Variants in CNTNAP2 observed in about 807,000 individuals in gnomAD.
CNTNAP2 encodes the protein contactin associated protein 2.
In CNTNAP2, 98 loss-of-function variants were observed where a neutral mutation model predicts 155.2. The ratio of observed to expected loss-of-function variants is 0.63; its 90% CI spans 0.54 to 0.75. The LOEUF (loss-of-function observed/expected upper bound fraction) is 0.75. Among genes scored for constraint, CNTNAP2 ranks in the 30% least tolerant of loss-of-function variants. CNTNAP2 has a pLI of 0.00. For missense variants in CNTNAP2, 1,727 were observed against 1,688.1 expected, an observed-to-expected ratio of 1.02 and a Z score of -0.40; for synonymous variants, 651 against 631.2, an observed-to-expected ratio of 1.03 and a Z score of -0.47.
intron 3 of CNTNAP2, among the ~76,000 whole-genome samples, chr7:146,880,619 C>G (rs923090312): frequency 6.6e-6 from 1 of 152,098 alleles, no homozygotes; most frequent in African/African-American, 2.4e-5. Flanking sequence ...TATGTTTTCC[C>G]TCTTTATCAT....
intron 8 of CNTNAP2, among the ~76,000 whole-genome samples, chr7:147,269,865 T>A (rs1168838166): frequency 2.0e-5 from 3 of 152,054 alleles, no homozygotes; most frequent in Admixed American, 6.6e-5. Flanking sequence ...CCAGCCTGGA[T>A]ATTATGGTAA....
At chr7:146,346,257 C>T (rs138304911) in intron 1 of CNTNAP2, among the ~76,000 whole-genome samples, 62 of 152,234 alleles carry the variant, frequency 4.1e-4, no homozygotes, top group Non-Finnish European at 7.4e-4. Flanking sequence ...TATTTACAGC[C>T]GCTCCCCATT....
intron 14 of CNTNAP2, among the ~76,000 whole-genome samples, chr7:147,949,712 A>G (rs1383121997): frequency 6.6e-6 from 1 of 152,160 alleles, no homozygotes; most frequent in Non-Finnish European, 1.5e-5. Flanking sequence ...GCTGGGTCAG[A>G]TGGAAGCCAG....
intron 8 of CNTNAP2, among the ~76,000 whole-genome samples, chr7:147,268,451 A>G (rs1310471161): frequency 6.6e-6 from 1 of 152,104 alleles, no homozygotes; most frequent in Non-Finnish European, 1.5e-5. Flanking sequence ...CATAAGTGGG[A>G]GTTGAATAAT....
At chr7:147,165,663 T>C (rs1802101006) in intron 8 of CNTNAP2, among the ~76,000 whole-genome samples, 1 of 152,172 alleles carries the variant, frequency 6.6e-6, no homozygotes, top group African/African-American at 2.4e-5. Context: ...GATTTTTGTA[T>C]AAGGTTCAGT....
intron 10 of CNTNAP2, among the ~76,000 whole-genome samples, chr7:147,422,122 G>A: frequency 6.9e-6 from 1 of 145,158 alleles, no homozygotes; most frequent in South Asian, 2.2e-4. Context: ...TATATAGTAT[G>A]TATATATACA....
chr7:147,344,710 T>A (rs997044868), intron 9 of CNTNAP2, among the ~76,000 whole-genome samples: 5 of 152,198 alleles, frequency 3.3e-5, no homozygotes, highest in African/African-American at 1.2e-4. Flanking sequence ...TTCTCCTACT[T>A]GTCTTAGTTC....
At chr7:148,372,753 G>C (rs1251536707) in intron 21 of CNTNAP2, among the ~76,000 whole-genome samples, 1 of 152,030 alleles carries the variant, frequency 6.6e-6, no homozygotes, top group Non-Finnish European at 1.5e-5. Flanking sequence ...TTAGCATACT[G>C]TACCTTTTCT....
intron 9 of CNTNAP2, among the ~76,000 whole-genome samples, chr7:147,360,685 T>C (rs1796134013): frequency 6.6e-6 from 1 of 152,114 alleles, no homozygotes; most frequent in Non-Finnish European, 1.5e-5. Context: ...CTGTGTTCTT[T>C]CTGATGTCTC....
In CNTNAP2 at chr7:146,594,077, C is replaced by T. The variant is rs192411709; in HGVS notation, c.98-180194C>T. On this transcript the variant is annotated intron_variant, in intron 1 of 23. Coordinates refer to ENST00000361727, the MANE Select transcript of CNTNAP2 (RefSeq NM_014141.6). ...ATAGGTTAGTTTAAACAGAATTCCT[C>T]CTTACTTCTAATGTTTCTTCTAAGT... Among the ~76,000 whole-genome samples the T allele has an allele frequency of 4.4e-3, 675 of 152,264 alleles. 2 individuals are homozygous for T. The highest frequency in any genetic ancestry group is 6.9e-3 in the Non-Finnish European group (472 of 67,988).
intron 1 of CNTNAP2, among the ~76,000 whole-genome samples, chr7:146,503,268 A>T (rs1797333785): frequency 6.6e-6 from 1 of 152,192 alleles, no homozygotes; most frequent in African/African-American, 2.4e-5. Flanking sequence ...TACTAAAAAA[A>T]TCTTTGCCAA....
chr7:146,616,778 T>C (rs990957552), intron 1 of CNTNAP2, among the ~76,000 whole-genome samples: 21 of 152,212 alleles, frequency 1.4e-4, no homozygotes, highest in Admixed American at 6.5e-4. Flanking sequence ...TTAAGAGACA[T>C]TTGTAGCATT....
At position 148,417,173 on chromosome 7, in the gene CNTNAP2, A is replaced by C. The variant is rs3194; in HGVS notation, c.*1557A>C. On this transcript the variant is annotated 3_prime_UTR_variant, in exon 24 of 24. Transcript: ENST00000361727. ...TCTTTGCCTGGGAGAGGTTAAGAGG[A>C]GGTTTCGAAGGTATAGATGCTATTG... 0.37 allele frequency: 55,904 copies of C among 152,106 alleles called. 12,508 individuals carry two copies. Among genetic ancestry groups the C allele is most frequent in the East Asian group, 0.66 (3,428 of 5,168 alleles). 9.4% of individuals were successfully genotyped at this position (152,106 alleles called of 1,614,324 possible).
chr7:146,133,911 C>T (rs1797756952), intron 1 of CNTNAP2, among the ~76,000 whole-genome samples: 1 of 151,460 alleles, frequency 6.6e-6, no homozygotes, highest in Admixed American at 6.6e-5. Flanking sequence ...TTTTTTGGTT[C>T]CATATGAACT....
chr7:146,413,541 A>G (rs1187918226), intron 1 of CNTNAP2, among the ~76,000 whole-genome samples: 1 of 152,220 alleles, frequency 6.6e-6, no homozygotes, highest in African/African-American at 2.4e-5. Context: ...CTTCAGTCTC[A>G]AAACAGTTAC....
At chr7:146,579,755 C>T (rs180994588) in intron 1 of CNTNAP2, among the ~76,000 whole-genome samples, 2 of 152,164 alleles carry the variant, frequency 1.3e-5, no homozygotes, top group African/African-American at 2.4e-5. Context: ...AAAATACAAA[C>T]GACATTGAGT....
intron 1 of CNTNAP2, among the ~76,000 whole-genome samples, chr7:146,726,084 G>A (rs1801426653): frequency 6.6e-6 from 1 of 152,116 alleles, no homozygotes; most frequent in South Asian, 2.1e-4. Flanking sequence ...CTATACTTCA[G>A]GGGTATTTTG....
chr7:147,353,538 G>A (rs1165552242), intron 9 of CNTNAP2, among the ~76,000 whole-genome samples: 1 of 152,032 alleles, frequency 6.6e-6, no homozygotes, highest in Non-Finnish European at 1.5e-5. Flanking sequence ...TCTTTATCCA[G>A]TCTATCATTG....
intron 3 of CNTNAP2, among the ~76,000 whole-genome samples, chr7:146,863,038 T>C (rs141593778): frequency 9.3e-4 from 142 of 152,330 alleles, no homozygotes; most frequent in African/African-American, 3.0e-3. Context: ...TAATGAGTGA[T>C]CTTATTAATT....
Sources: allele counts gnomAD v4.1 joint callset (sites outside exome capture counted in the v4.1 genomes callset), GRCh38; gene constraint gnomAD v4.1.1; transcripts MANE v1.5; gene names NCBI Gene and HGNC (gene_info 2026-07-23, HGNC 2026-07-21).